Variants in GMPR observed in about 807,000 individuals in gnomAD.
The protein encoded by GMPR is guanosine monophosphate reductase.
GMPR carries 31 observed loss-of-function variants against 38.4 expected under a neutral mutation model. That is an observed-to-expected ratio of 0.81 (90% confidence interval 0.61 to 1.09). GMPR has a LOEUF of 1.09. Among genes scored for constraint, GMPR ranks in the 50% least tolerant of loss-of-function variants. The pLI, the probability that GMPR is intolerant of heterozygous loss-of-function variation, is 0.00. For synonymous variants in GMPR, 162 were observed against 173.3 expected (o/e 0.93, Z 0.51); for missense variants, 468 against 453.7 (o/e 1.03, Z -0.29).
chr6:16,245,577 T>TGG (rs1758736332), intron 1 of GMPR, among the ~76,000 whole-genome samples: 1 of 152,202 alleles, frequency 6.6e-6, no homozygotes, highest in African/African-American at 2.4e-5. Context: ...CAGTTCCCCT[T>TGG]GGGGAAGCAC....
intron 4 of GMPR, among the ~76,000 whole-genome samples, chr6:16,265,589 TC>T (rs1376615052): frequency 6.9e-6 from 1 of 145,182 alleles, no homozygotes; most frequent in Non-Finnish European, 1.6e-5. Flanking sequence ...AATGCTCCAA[TC>T]AGCACTCTGT....
Position 16,294,460 on chromosome 6 carries a change from C to T in GMPR, c.858-546C>T, listed in dbSNP as rs1759898686. 2.0e-5 allele frequency among the ~76,000 whole-genome samples: 3 copies of T among 152,288 alleles called. No homozygotes were observed. In the South Asian group the frequency reaches 6.2e-4, roughly 32 times the overall value. ...TATGTCCTCCTCGTCCTGGTCGTCC[C>T]CCTTGAAGACACTTGATTTCTGATC... On this transcript the variant is annotated intron_variant, in intron 8 of 8. Transcript: ENST00000259727.
chr6:16,251,855 A>G (rs1758882553), intron 3 of GMPR, among the ~76,000 whole-genome samples: 1 of 152,134 alleles, frequency 6.6e-6, no homozygotes, highest in Non-Finnish European at 1.5e-5. Context: ...TCAAGAAGCC[A>G]TTAAAAAAAA....
chr6:16,258,240 G>A (rs1354755614), intron 4 of GMPR: 1 of 152,266 alleles, frequency 6.6e-6, no homozygotes, highest in Non-Finnish European at 1.5e-5. Context: ...AAAATGACAA[G>A]TGATAGCAGA....
chr6:16,270,171 A>G (rs1759354659), intron 4 of GMPR, among the ~76,000 whole-genome samples: 1 of 152,230 alleles, frequency 6.6e-6, no homozygotes, highest in Non-Finnish European at 1.5e-5. Context: ...GCCACTTTTT[A>G]TGTCTTTTCC....
chr6:16,254,881 G>A (rs1463660521), intron 4 of GMPR, 146 bp downstream of exon 4: 1 of 589,880 alleles, frequency 1.7e-6, no homozygotes, highest in Non-Finnish European at 3.0e-6. Context: ...TTTGGGAAAG[G>A]ATAGGTAGCC....
intron 4 of GMPR, among the ~76,000 whole-genome samples, chr6:16,274,170 C>G (rs535335149): frequency 7.9e-5 from 12 of 152,214 alleles, no homozygotes; most frequent in African/African-American, 2.9e-4. Context: ...AAGCCCTGAC[C>G]TGGACTCTCT....
chr6:16,246,477 C>G (rs751128219), intron 1 of GMPR, among the ~76,000 whole-genome samples: 2 of 152,026 alleles, frequency 1.3e-5, no homozygotes, highest in Non-Finnish European at 2.9e-5. Context: ...AGGGATTGTT[C>G]CAGGAGGAGG....
At chr6:16,266,539 A>G (rs1300843602) in intron 4 of GMPR, among the ~76,000 whole-genome samples, 1 of 150,978 alleles carries the variant, frequency 6.6e-6, no homozygotes, top group African/African-American at 2.4e-5. Flanking sequence ...GCGGTGGCTC[A>G]CGCCTGTAAT....
At chr6:16,280,276 T>G (rs1759552315) in intron 6 of GMPR, among the ~76,000 whole-genome samples, 1 of 152,214 alleles carries the variant, frequency 6.6e-6, no homozygotes, top group African/African-American at 2.4e-5. Flanking sequence ...TTGGGAATGG[T>G]GCTCAGGTAA....
chr6:16,284,003 AT>A (rs901244681), intron 6 of GMPR, among the ~76,000 whole-genome samples: 1 of 152,248 alleles, frequency 6.6e-6, no homozygotes, highest in Non-Finnish European at 1.5e-5. Flanking sequence ...AACAAGGGGT[AT>A]AGAGCCACAA....
intron 4 of GMPR, among the ~76,000 whole-genome samples, chr6:16,260,206 C>T (rs530024199): frequency 0.063 from 9,522 of 151,914 alleles, 612 homozygotes; most frequent in African/African-American, 0.17. Context: ...TTTAAAAGAC[C>T]TTTAGTCCGT....
intron 8 of GMPR, among the ~76,000 whole-genome samples, chr6:16,291,443 C>G (rs993393897): frequency 6.6e-6 from 1 of 152,006 alleles, no homozygotes; most frequent in African/African-American, 2.4e-5. Context: ...AGGCTGGTCT[C>G]GAACTCCTGA....
chr6:16,250,306 A>G lies in GMPR; in HGVS notation c.230A>G (p.His77Arg), dbSNP rs1188367350. Residue 77 changes from histidine to arginine, a missense_variant, in exon 3 of 9, where the codon CAT (histidine) becomes CGT (arginine). Coordinates refer to ENST00000259727, the MANE Select transcript of GMPR (RefSeq NM_006877.4). Reference sequence around the variant, plus strand: ...TAGCACTCCATGTTTACAGCAATTCATAAGCATTACTCCCTGGATGACTGG... The same window carrying G: ...TAGCACTCCATGTTTACAGCAATTCGTAAGCATTACTCCCTGGATGACTGG... ...MSQHSMFTAI[H>R]KHYSLDDWKL... The G allele has an allele frequency of 6.2e-7, 1 of 1,608,032 alleles. No individual in the cohort carries two copies. The highest frequency in any genetic ancestry group is 8.5e-7 in the Non-Finnish European group (1 of 1,174,410).
chr6:16,273,328 T>A (rs2113692920), intron 4 of GMPR, among the ~76,000 whole-genome samples: 1 of 152,358 alleles, frequency 6.6e-6, no homozygotes, highest in Non-Finnish European at 1.5e-5. Flanking sequence ...AATATGACTT[T>A]GCACAGTTGT....
rs775789287 is a variant in GMPR at position 16,289,225 on chromosome 6, C to T, written c.698-1237C>T. Among the ~76,000 whole-genome samples, 14 of 152,244 alleles carry T rather than the reference C, an allele frequency of 9.2e-5. No homozygotes were observed. The East Asian group carries it at 1.3e-3, about 15-fold the overall frequency. The stretch of plus-strand genomic sequence containing the variant: ...CCCACCAGAAGGAAAAAGCCTCAGC[C>T]GCGCCACCTTATAGAGCTGTTACAC... On this transcript the variant is annotated intron_variant, in intron 7 of 8. Coordinates refer to ENST00000259727, the MANE Select transcript of GMPR (RefSeq NM_006877.4).
chr6:16,272,668 A>G (rs2113692443), intron 4 of GMPR, among the ~76,000 whole-genome samples: 1 of 152,316 alleles, frequency 6.6e-6, no homozygotes, highest in East Asian at 1.9e-4. Context: ...GTCCTTTGGC[A>G]CTTACTCTGT....
At chr6:16,279,187 A>G (rs567736623) in intron 6 of GMPR, among the ~76,000 whole-genome samples, 1 of 152,290 alleles carries the variant, frequency 6.6e-6, no homozygotes. Context: ...CAGTTGTAAT[A>G]AAGCCCCACA....
chr6:16,291,156 G>C (rs1455379440), intron 8 of GMPR, among the ~76,000 whole-genome samples: 1 of 152,202 alleles, frequency 6.6e-6, no homozygotes, highest in African/African-American at 2.4e-5. Flanking sequence ...AGCATTTTCA[G>C]CCATTCAGTT....
Sources: allele counts gnomAD v4.1 joint callset (sites outside exome capture counted in the v4.1 genomes callset), GRCh38; gene constraint gnomAD v4.1.1; transcripts MANE v1.5; gene names NCBI Gene and HGNC (gene_info 2026-07-23, HGNC 2026-07-21).